TMEM132D: variants seen among roughly 807,000 people sequenced by gnomAD.
TMEM132D encodes the protein transmembrane protein 132D.
Under a neutral mutation model 62.3 loss-of-function variants are expected in TMEM132D, and 21 were observed. The ratio of observed to expected loss-of-function variants is 0.34; its 90% CI spans 0.24 to 0.49. TMEM132D has a LOEUF of 0.49. Ranked by LOEUF, TMEM132D falls within the 20% of genes least tolerant of loss-of-function variation. TMEM132D has a pLI of 0.99. For synonymous variants in TMEM132D, 621 were observed against 575.6 expected (o/e 1.08, Z -1.13); for missense variants, 1,346 against 1,402.8 (o/e 0.96, Z 0.65).
intron 2 of TMEM132D, among the ~76,000 whole-genome samples, chr12:129,539,379 G>C (rs914514746): frequency 2.0e-5 from 3 of 149,786 alleles, no homozygotes; most frequent in Admixed American, 6.7e-5. Flanking sequence ...CTACAGGTGT[G>C]AGCCACCACA....
At chr12:129,092,679 A>G (rs1199070422) in intron 5 of TMEM132D, among the ~76,000 whole-genome samples, 1 of 152,222 alleles carries the variant, frequency 6.6e-6, no homozygotes, top group Non-Finnish European at 1.5e-5. Flanking sequence ...CTGGGCAACA[A>G]GAGCGAAACT....
chr12:129,294,882 G>A (rs1241371584), intron 4 of TMEM132D, among the ~76,000 whole-genome samples: 1 of 152,126 alleles, frequency 6.6e-6, no homozygotes, highest in African/African-American at 2.4e-5. Context: ...CCAGTTTGGT[G>A]GGATTTTTGA....
intron 5 of TMEM132D, among the ~76,000 whole-genome samples, chr12:129,149,663 A>G (rs912359511): frequency 6.6e-6 from 1 of 152,192 alleles, no homozygotes; most frequent in Admixed American, 6.5e-5. Flanking sequence ...AAAACAGGGT[A>G]AAAGAAGAGA....
intron 5 of TMEM132D, among the ~76,000 whole-genome samples, chr12:129,125,958 T>C (rs1182565453): frequency 6.6e-6 from 1 of 152,152 alleles, no homozygotes. Flanking sequence ...TTTTCCTAAT[T>C]TTCCTGCAAG....
intron 4 of TMEM132D, among the ~76,000 whole-genome samples, chr12:129,251,284 A>G (rs950904940): frequency 1.3e-5 from 2 of 149,692 alleles, no homozygotes; most frequent in African/African-American, 4.9e-5. Flanking sequence ...ACTTGAATCC[A>G]AGAGGCAGAA....
Position 129,074,879 on chromosome 12 carries a change from G to GAA in TMEM132D, c.2295_2296insTT (p.Leu766PhefsTer22). ...CTAATAACCATTTCCACCTTGACCA[G>GAA]GGTGCCTTGTCCTTCTGTTTCCGCA... On this transcript the variant is annotated frameshift_variant, in exon 9 of 9. Transcript: ENST00000422113. LOFTEE classifies it low-confidence loss of function (END_TRUNC). 6.2e-7 allele frequency: 1 copy of GAA among 1,613,964 alleles called. No homozygotes were observed. Among genetic ancestry groups the GAA allele is most frequent in the Middle Eastern group, 1.6e-4 (1 of 6,062 alleles).
intron 5 of TMEM132D, among the ~76,000 whole-genome samples, chr12:129,206,959 T>TG (rs1227277991): frequency 2.0e-5 from 3 of 151,856 alleles, no homozygotes; most frequent in Non-Finnish European, 2.9e-5. Context: ...GGCTGGAGGG[T>TG]GGGAAGGGGA....
chr12:129,819,019 A>C (rs1324685624), intron 1 of TMEM132D, among the ~76,000 whole-genome samples: 1 of 151,618 alleles, frequency 6.6e-6, no homozygotes, highest in African/African-American at 2.4e-5. Flanking sequence ...TGGGTGACAG[A>C]GTGAGACTCT....
intron 3 of TMEM132D, among the ~76,000 whole-genome samples, chr12:129,459,082 A>T (rs550050520): frequency 6.6e-6 from 1 of 152,252 alleles, no homozygotes; most frequent in African/African-American, 2.4e-5. Flanking sequence ...GGCACCAGGA[A>T]CACTTCTTCC....
chr12:129,406,080 TTAAAA>T (rs917357798), intron 3 of TMEM132D, among the ~76,000 whole-genome samples: 1 of 152,196 alleles, frequency 6.6e-6, no homozygotes, highest in African/African-American at 2.4e-5. Flanking sequence ...GATGATTCGA[TTAAAA>T]TAAAATATTG....
chr12:129,155,968 A>T (rs1877230078), intron 5 of TMEM132D, among the ~76,000 whole-genome samples: 1 of 152,130 alleles, frequency 6.6e-6, no homozygotes, highest in South Asian at 2.1e-4. Flanking sequence ...TCTCATGATA[A>T]CTAACCCATC....
intron 2 of TMEM132D, among the ~76,000 whole-genome samples, chr12:129,656,694 T>C (rs1398933758): frequency 6.6e-6 from 1 of 152,244 alleles, no homozygotes; most frequent in African/African-American, 2.4e-5. Flanking sequence ...AAGCCTGGTA[T>C]TGAACAATAA....
chr12:129,232,164 G>T (rs560086671), intron 4 of TMEM132D, among the ~76,000 whole-genome samples: 101 of 152,232 alleles, frequency 6.6e-4, no homozygotes, highest in Admixed American at 3.0e-3. Flanking sequence ...ATCTTCCCAC[G>T]ATATTCTAAT....
At chr12:129,789,937 TA>T (rs1372701725) in intron 1 of TMEM132D, among the ~76,000 whole-genome samples, 2 of 152,206 alleles carry the variant, frequency 1.3e-5, no homozygotes, top group East Asian at 1.9e-4. Context: ...GCACAGAGAT[TA>T]TTTTTTGCAC....
At chr12:129,675,330 A>G (rs963368066) in intron 2 of TMEM132D, among the ~76,000 whole-genome samples, 1 of 151,372 alleles carries the variant, frequency 6.6e-6, no homozygotes, top group Non-Finnish European at 1.5e-5. Flanking sequence ...CAATGAGAAC[A>G]CATGGAGACA....
chr12:129,373,578 G>C (rs1401744682), intron 3 of TMEM132D, among the ~76,000 whole-genome samples: 8 of 152,168 alleles, frequency 5.3e-5, no homozygotes, highest in Non-Finnish European at 1.2e-4. Flanking sequence ...CTTGCAGTGA[G>C]CTGAGATTGA....
intron 4 of TMEM132D, among the ~76,000 whole-genome samples, chr12:129,264,127 G>A (rs1034646030): frequency 1.6e-4 from 24 of 152,220 alleles, no homozygotes; most frequent in Non-Finnish European, 2.9e-4. Context: ...GATGGCTCAT[G>A]CCTCTAATCC....
At chr12:129,662,120 T>A (rs1008087679) in intron 2 of TMEM132D, among the ~76,000 whole-genome samples, 2 of 152,208 alleles carry the variant, frequency 1.3e-5, no homozygotes, top group African/African-American at 4.8e-5. Context: ...ATGATCTGAA[T>A]CAAGTGAAAG....
At chr12:129,890,256 G>A (rs1389334699) in intron 1 of TMEM132D, among the ~76,000 whole-genome samples, 1 of 152,220 alleles carries the variant, frequency 6.6e-6, no homozygotes, top group Non-Finnish European at 1.5e-5. Context: ...GCGCAGGGCA[G>A]TGAGTGACAT....
Sources: gnomAD v4.1 joint callset for allele counts (sites outside exome capture counted in the v4.1 genomes callset) on GRCh38, gnomAD v4.1.1 for gene constraint, MANE v1.5 for transcripts, NCBI Gene and HGNC (gene_info 2026-07-23, HGNC 2026-07-21) for gene names.